Variants in NTRK2 observed in about 807,000 individuals in gnomAD.
The protein encoded by NTRK2 is neurotrophic receptor tyrosine kinase 2, also known as BDNF/NT-3 growth factors receptor.
Under a neutral mutation model 94.5 loss-of-function variants are expected in NTRK2, and 13 were observed. The ratio of observed to expected loss-of-function variants is 0.14; its 90% CI spans 0.09 to 0.22. The LOEUF is 0.22. Among genes scored for constraint, NTRK2 ranks in the 10% least tolerant of loss-of-function variants. NTRK2 has a pLI of 1.00. For synonymous variants in NTRK2, 372 were observed against 407.4 expected (o/e 0.91, Z 1.05); for missense variants, 639 against 1,071.2 (o/e 0.60, Z 5.63).
intron 15 of NTRK2, among the ~76,000 whole-genome samples, chr9:84,945,222 A>T (rs2078557745): frequency 6.6e-6 from 1 of 152,138 alleles, no homozygotes; most frequent in South Asian, 2.1e-4. Flanking sequence ...ACTTTTCCAG[A>T]TGATCATTCA....
At chr9:84,708,155 A>G (rs920363063) in intron 5 of NTRK2, among the ~76,000 whole-genome samples, 1 of 152,214 alleles carries the variant, frequency 6.6e-6, no homozygotes, top group Non-Finnish European at 1.5e-5. Flanking sequence ...GATTCATTTA[A>G]ATGTTGATTT....
chr9:84,929,009 T>C (rs2077923965), intron 14 of NTRK2, among the ~76,000 whole-genome samples: 1 of 152,148 alleles, frequency 6.6e-6, no homozygotes, highest in Non-Finnish European at 1.5e-5. Flanking sequence ...GAAACCCCAT[T>C]ATTGAGGAAA....
At chr9:84,821,585 C>T (rs556638288) in intron 12 of NTRK2, among the ~76,000 whole-genome samples, 3 of 152,226 alleles carry the variant, frequency 2.0e-5, no homozygotes, top group South Asian at 2.1e-4. Context: ...GTTGGTGTTC[C>T]GTTCTGAGCT....
chr9:84,870,136 CACACATATATAT>C (rs1486547116), intron 14 of NTRK2, among the ~76,000 whole-genome samples: 2 of 138,472 alleles, frequency 1.4e-5, no homozygotes, highest in African/African-American at 5.4e-5. Context: ...TACACACACA[CACACATATATAT>C]ACACACACAT....
intron 17 of NTRK2, among the ~76,000 whole-genome samples, chr9:84,987,534 G>A (rs1047702465): frequency 5.9e-5 from 9 of 152,078 alleles, no homozygotes; most frequent in African/African-American, 1.9e-4. Flanking sequence ...TTTAAAGTTT[G>A]ATGATTCATT....
chr9:84,824,066 G>A (rs80050482), intron 12 of NTRK2, among the ~76,000 whole-genome samples: 7,243 of 152,244 alleles, frequency 0.048, 213 homozygotes, highest in Admixed American at 0.089. Context: ...CAGCCATTTA[G>A]TTTCAGTGGT....
At chr9:84,685,367 T>TC (rs1268507594) in intron 2 of NTRK2, among the ~76,000 whole-genome samples, 2 of 149,056 alleles carry the variant, frequency 1.3e-5, no homozygotes, top group African/African-American at 2.4e-5. Flanking sequence ...AGCTTCTTCT[T>TC]TTTTTTTTTT....
intron 12 of NTRK2, among the ~76,000 whole-genome samples, chr9:84,858,714 C>G (rs557443663): frequency 6.6e-6 from 1 of 151,542 alleles, no homozygotes; most frequent in Non-Finnish European, 1.5e-5. Flanking sequence ...CTTTGCAGCT[C>G]ATTTCTCTTT....
At chr9:85,020,865 TCTTTTTAA>T (rs1489307021) in intron 18 of NTRK2, among the ~76,000 whole-genome samples, 2 of 152,218 alleles carry the variant, frequency 1.3e-5, no homozygotes, top group African/African-American at 4.8e-5. Flanking sequence ...TCCATTTCTA[TCTTTTTAA>T]TCCAGTTCCT....
intron 17 of NTRK2, among the ~76,000 whole-genome samples, chr9:84,980,527 C>T (rs1433602264): frequency 1.3e-5 from 2 of 152,232 alleles, no homozygotes; most frequent in African/African-American, 4.8e-5. Context: ...GTCTCTGTTA[C>T]ATCCAGCCTT....
intron 10 of NTRK2, among the ~76,000 whole-genome samples, chr9:84,743,481 T>C (rs1051683462): frequency 6.6e-6 from 1 of 152,226 alleles, no homozygotes; most frequent in African/African-American, 2.4e-5. Context: ...TAAGCCATAT[T>C]TCTTCCAAGC....
rs935997059 is a variant in NTRK2, at chr9:85,025,028, A to G, written c.*3591A>G. The G allele has an allele frequency of 8.6e-6, 2 of 233,012 alleles. No individual in the cohort carries two copies. The highest frequency in any genetic ancestry group is 2.2e-5 in the African/African-American group (1 of 45,364). The allele number at this position is 233,012 out of a possible 1,614,324, so 14.4% of individuals were successfully genotyped here. A position where few individuals can be genotyped will look rare whatever the true frequency, so the allele number is the denominator to read the frequency against. ...GAGGTAATTATAAGTAGGATGCGGT[A>G]TGAATAATTTGCTTAAAATATGCTA... On this transcript the variant is annotated 3_prime_UTR_variant, in exon 19 of 19. Coordinates refer to ENST00000277120, the MANE Select transcript of NTRK2 (RefSeq NM_006180.6).
chr9:84,788,845 C>T (rs776895532), intron 12 of NTRK2, among the ~76,000 whole-genome samples: 46 of 152,038 alleles, frequency 3.0e-4, no homozygotes, highest in Non-Finnish European at 2.8e-4. Flanking sequence ...GACCAGGTGG[C>T]TACCTCCCAG....
chr9:84,716,469 G>C (rs568115849), intron 6 of NTRK2, among the ~76,000 whole-genome samples: 3 of 151,978 alleles, frequency 2.0e-5, no homozygotes, highest in African/African-American at 4.8e-5. Context: ...TCTTTTGTTC[G>C]TGTTGAACCA....
At chr9:84,768,920 C>A (rs146214478) in intron 12 of NTRK2, among the ~76,000 whole-genome samples, 1 of 152,030 alleles carries the variant, frequency 6.6e-6, no homozygotes, top group African/African-American at 2.4e-5. Context: ...ACATCCCCTG[C>A]GGGACAGTAG....
intron 17 of NTRK2, among the ~76,000 whole-genome samples, chr9:84,965,153 G>A (rs973056568): frequency 6.6e-6 from 1 of 151,968 alleles, no homozygotes; most frequent in Admixed American, 6.6e-5. Context: ...GTTCAAGAAG[G>A]CTTTGAAAAA....
At chr9:84,739,938 A>G (rs2063519836) in intron 9 of NTRK2, among the ~76,000 whole-genome samples, 1 of 152,218 alleles carries the variant, frequency 6.6e-6, no homozygotes, top group African/African-American at 2.4e-5. Context: ...TGTGAAATAG[A>G]GTAGGTTCCA....
Position 85,020,298 on chromosome 9 carries a change from G to A in NTRK2, c.2265G>A (p.Leu755=), listed in dbSNP as rs2117939485. The A allele has an allele frequency of 6.2e-7, 1 of 1,614,076 alleles. No homozygotes were observed. The highest frequency in any genetic ancestry group is 8.5e-7 in the Non-Finnish European group (1 of 1,179,982). The change falls in exon 18 of 19, where the codon CTG becomes CTA. Residue 755 remains leucine, a synonymous_variant. Coordinates refer to ENST00000277120, the MANE Select transcript of NTRK2 (RefSeq NM_006180.6). ...CGACGGAAAGCGACGTCTGGAGCCT[G>A]GGGGTCGTGTTGTGGGAGATTTTCA... ...KFTTESDVWS[L]GVVLWEIFTY... is the part of the protein sequence containing the mutation.
chr9:84,913,538 A>G (rs965135019), intron 14 of NTRK2, among the ~76,000 whole-genome samples: 1 of 152,070 alleles, frequency 6.6e-6, no homozygotes, highest in African/African-American at 2.4e-5. Context: ...CCTGAACGAC[A>G]TTTTTACTGG....
Sources: gnomAD v4.1 joint callset for allele counts (sites outside exome capture counted in the v4.1 genomes callset) on GRCh38, gnomAD v4.1.1 for gene constraint, MANE v1.5 for transcripts, NCBI Gene and HGNC (gene_info 2026-07-23, HGNC 2026-07-21) for gene names.